The following INPP5A variants were observed in gnomAD, a reference collection of about 807,000 sequenced individuals.
INPP5A encodes 43 kDa inositol polyphosphate 5-phophatase.
A neutral mutation model predicts 65.2 loss-of-function variants in INPP5A; 14 were observed. The observed-to-expected ratio is 0.21, with a 90% CI of 0.14 to 0.34. INPP5A has a LOEUF of 0.34. INPP5A is among the 10% of genes least tolerant of loss of function. The probability of loss-of-function intolerance (pLI) is 1.00; values close to 1 mark genes in which losing one functional copy is unlikely to be tolerated. For synonymous variants in INPP5A, 207 were observed against 208.3 expected (o/e 0.99, Z 0.05); for missense variants, 431 against 545.6 (o/e 0.79, Z 2.09).
Position 132,727,205 on chromosome 10 carries a change from G to A in INPP5A, c.732+300G>A, listed in dbSNP as rs568516265. The A allele has an allele frequency of 5.5e-5, 16 of 288,636 alleles. No individual in the cohort carries two copies. In the South Asian group the frequency reaches 1.1e-3, roughly 19 times the overall value. 17.9% of individuals were successfully genotyped at this position (288,636 alleles called of 1,614,324 possible). A position where few individuals can be genotyped will look rare whatever the true frequency, so the allele number is the denominator to read the frequency against. ...GGAGCTGCTGGAGTGCCGTCACAGC[G>A]CCACCCCCTCGATGCCCACAGAGCT... On this transcript the variant is annotated intron_variant, in intron 9 of 15. Transcript: ENST00000368594. The surrounding 1 kb of genome is among the most constrained non-coding windows in gnomAD (Gnocchi z 6.5).
chr10:132,547,149 C>T lies in INPP5A; in HGVS notation c.75+8978C>T, dbSNP rs1269288590. Among the ~76,000 whole-genome samples, 3 of 152,386 alleles carry T rather than the reference C, an allele frequency of 2.0e-5. No homozygotes were observed. The highest frequency in any genetic ancestry group is 6.8e-3 in the Middle Eastern group (2 of 294). The stretch of plus-strand genomic sequence containing the variant: ...TCACGTGGATGCGGGGCAGGCCCCA[C>T]CTCTCCTCGCATGTGCGGCCTTGGG... On this transcript the variant is annotated intron_variant, in intron 1 of 15. Coordinates refer to ENST00000368594, the MANE Select transcript of INPP5A (RefSeq NM_005539.5). The surrounding 1 kb of genome is among the most constrained non-coding windows in gnomAD (Gnocchi z 5.5).
intron 1 of INPP5A, among the ~76,000 whole-genome samples, chr10:132,592,478 C>T (rs747648831): frequency 1.3e-5 from 2 of 152,164 alleles, no homozygotes; most frequent in Non-Finnish European, 2.9e-5. Context: ...TGCAGTGGCA[C>T]GACCTCAGCT....
chr10:132,550,156 A>G lies in INPP5A; in HGVS notation c.75+11985A>G, dbSNP rs1459318988. On this transcript the variant is annotated intron_variant, in intron 1 of 15. Coordinates refer to ENST00000368594, the MANE Select transcript of INPP5A (RefSeq NM_005539.5). This position sits in a 1 kb window ranked among gnomAD's most constrained non-coding sequence, Gnocchi z 4.2. ...CGAGTTACTAACCAGGCAGTAGAAG[A>G]TGGGGTCAGTCTTGAGTTATTAGTA... Among the ~76,000 whole-genome samples the G allele has an allele frequency of 6.6e-6, 1 of 152,104 alleles. No individual in the cohort carries two copies. The highest frequency in any genetic ancestry group is 1.5e-5 in the Non-Finnish European group (1 of 68,020).
intron 9 of INPP5A, among the ~76,000 whole-genome samples, chr10:132,746,049 C>T (rs1463956828): frequency 3.9e-5 from 6 of 152,196 alleles, no homozygotes; most frequent in South Asian, 4.1e-4. Flanking sequence ...AGGGCCTCGG[C>T]GTTGCCTGCA....
At chr10:132,733,882 A>G (rs952031271) in intron 9 of INPP5A, among the ~76,000 whole-genome samples, 3 of 152,194 alleles carry the variant, frequency 2.0e-5, no homozygotes, top group South Asian at 2.1e-4. Flanking sequence ...TTCCTTCCAC[A>G]TGAAGCTTTT....
chr10:132,694,286 CAAA>C (rs1160589768), intron 5 of INPP5A, among the ~76,000 whole-genome samples: 1 of 152,022 alleles, frequency 6.6e-6, no homozygotes, highest in Non-Finnish European at 1.5e-5. Context: ...ACATATGAGT[CAAA>C]GAAGTCTCAA....
chr10:132,540,632 TG>T (rs1185281271), intron 1 of INPP5A, among the ~76,000 whole-genome samples: 2 of 152,202 alleles, frequency 1.3e-5, no homozygotes, highest in African/African-American at 2.4e-5. Flanking sequence ...GCCTGGCCGG[TG>T]GAAGGAAATT....
chr10:132,762,338 G>T lies in INPP5A; in HGVS notation c.904-3435G>T, dbSNP rs773633096. On this transcript the variant is annotated intron_variant, in intron 11 of 15. Transcript: ENST00000368594. This position sits in a 1 kb window ranked among gnomAD's most constrained non-coding sequence, Gnocchi z 4.6. ...AACAGCGGAACATCAAAGACGAAGA[G>T]AATATTTTTGAAGCATTGTGGGAAA... 5.9e-5 allele frequency among the ~76,000 whole-genome samples: 9 copies of T among 152,230 alleles called. No homozygotes were observed. Among genetic ancestry groups the T allele is most frequent in the Non-Finnish European group, 1.3e-4 (9 of 68,048 alleles).
In INPP5A at chr10:132,563,500, A is replaced by G. The variant is rs149261729; in HGVS notation, c.75+25329A>G. ...CTATTGCTTTATGTCTTATTAGGTG[A>G]ATTTAGAATGTATACAGGGTAGGAA... is the stretch of plus-strand genomic sequence containing the variant. On this transcript the variant is annotated intron_variant, in intron 1 of 15. Coordinates refer to ENST00000368594, the MANE Select transcript of INPP5A (RefSeq NM_005539.5). Among the ~76,000 whole-genome samples, 482 of 152,326 alleles carry G rather than the reference A, an allele frequency of 3.2e-3. 7 individuals carry two copies. Among genetic ancestry groups the G allele is most frequent in the African/African-American group, 0.011 (461 of 41,574 alleles).
Position 132,664,963 on chromosome 10 carries a change from G to A in INPP5A, c.306+14458G>A, listed in dbSNP as rs375769105. Among the ~76,000 whole-genome samples the A allele has an allele frequency of 5.2e-4, 79 of 152,254 alleles. 1 individual carries two copies. The Middle Eastern group carries it at 0.01, about 20-fold the overall frequency. ...TTGTTGGGGTGGCTCAGGTTTTCCC[G>A]TTGCAACTGAGGCGTTGAGCAGTCA... On this transcript the variant is annotated intron_variant, in intron 4 of 15. Transcript: ENST00000368594.
chr10:132,704,797 G>T lies in INPP5A; in HGVS notation c.475-3516G>T, dbSNP rs560955708. On this transcript the variant is annotated intron_variant, in intron 6 of 15. Coordinates refer to ENST00000368594, the MANE Select transcript of INPP5A (RefSeq NM_005539.5). This position sits in a 1 kb window ranked among gnomAD's most constrained non-coding sequence, Gnocchi z 4.5. ...CTCCTCTGGAGTGTGGAGGATGGAG[G>T]AAGGGCGTCTGGACAGGCGGCAGGC... Among the ~76,000 whole-genome samples the T allele has an allele frequency of 1.6e-3, 249 of 151,940 alleles. No homozygotes were observed. The highest frequency in any genetic ancestry group is 5.7e-3 in the African/African-American group (235 of 41,402).
At chr10:132,731,599 TGAG>T (rs1320961562) in intron 9 of INPP5A, among the ~76,000 whole-genome samples, 1 of 152,146 alleles carries the variant, frequency 6.6e-6, no homozygotes, top group Non-Finnish European at 1.5e-5. Context: ...GTGTCAGACA[TGAG>T]GAGGGGACCA....
rs1392096721 is a variant in INPP5A, at chr10:132,550,057, A to G, written c.75+11886A>G. On this transcript the variant is annotated intron_variant, in intron 1 of 15. Transcript: ENST00000368594. The surrounding 1 kb of genome is among the most constrained non-coding windows in gnomAD (Gnocchi z 4.2). ...GCATTAGGGGATGGGGTCAGCCTCG[A>G]GTTACTAACCGGGCATTAGGGGATG... Among the ~76,000 whole-genome samples, 1 of 123,798 alleles carries G rather than the reference A, an allele frequency of 8.1e-6. No individual in the cohort carries two copies. The highest frequency in any genetic ancestry group is 1.7e-5 in the Non-Finnish European group (1 of 59,354). 81.2% of individuals were successfully genotyped at this position (123,798 alleles called of 152,430 possible). A position where few individuals can be genotyped will look rare whatever the true frequency, so the allele number is the denominator to read the frequency against.
At chr10:132,548,712 C>T (rs187877879) in intron 1 of INPP5A, among the ~76,000 whole-genome samples, 51 of 150,404 alleles carry the variant, frequency 3.4e-4, no homozygotes, top group African/African-American at 1.1e-3. Flanking sequence ...TGTTTTCATG[C>T]GTCTGGTTTC....
intron 9 of INPP5A, among the ~76,000 whole-genome samples, chr10:132,742,857 A>G (rs1422719266): frequency 1.3e-5 from 2 of 152,092 alleles, no homozygotes; most frequent in Non-Finnish European, 2.9e-5. Context: ...TTGGCCCTTT[A>G]TTTAACCGCT....
In INPP5A at chr10:132,707,353, G is replaced by A. The variant is rs372556481; in HGVS notation, c.475-960G>A. On this transcript the variant is annotated intron_variant, in intron 6 of 15. Transcript: ENST00000368594. The surrounding 1 kb of genome is among the most constrained non-coding windows in gnomAD (Gnocchi z 5.5). ...CCGTTCCCCCGCCACTGCCTGAAGCGCTTTGCTTTGTGGACCTTGGACTTG... is the reference window on the plus strand; with the variant it reads ...CCGTTCCCCCGCCACTGCCTGAAGCACTTTGCTTTGTGGACCTTGGACTTG... Among the ~76,000 whole-genome samples the A allele has an allele frequency of 3.7e-5, 5 of 134,988 alleles. No homozygotes were observed. The highest frequency in any genetic ancestry group is 7.6e-5 in the African/African-American group (3 of 39,702). The allele number at this position is 134,988 out of a possible 152,430, so 88.6% of individuals were successfully genotyped here.
chr10:132,752,351 C>G lies in INPP5A; in HGVS notation c.903+2506C>G, dbSNP rs536146238. On this transcript the variant is annotated intron_variant, in intron 11 of 15. Transcript: ENST00000368594. Reference sequence around the variant, plus strand: ...CTAGGAGACAGGGAAGAGGGAGGCTCCCTCAGCCACAGGTAGGGTGGTGGC... The same window carrying G: ...CTAGGAGACAGGGAAGAGGGAGGCTGCCTCAGCCACAGGTAGGGTGGTGGC... 1.8e-3 allele frequency among the ~76,000 whole-genome samples: 266 copies of G among 151,476 alleles called. 2 individuals carry two copies. Among genetic ancestry groups the G allele is most frequent in the African/African-American group, 6.1e-3 (251 of 41,232 alleles).
Position 132,551,564 on chromosome 10 carries a change from T to G in INPP5A, c.75+13393T>G, listed in dbSNP as rs2071049573. ...TCTGTCCAAGTAGCACACAGACTTG[T>G]GGGGACATATGACTTGCTTTAATTT... On this transcript the variant is annotated intron_variant, in intron 1 of 15. Coordinates refer to ENST00000368594, the MANE Select transcript of INPP5A (RefSeq NM_005539.5). The surrounding 1 kb of genome is among the most constrained non-coding windows in gnomAD (Gnocchi z 5.3). Among the ~76,000 whole-genome samples, 1 of 152,222 alleles carries G rather than the reference T, an allele frequency of 6.6e-6. No individual in the cohort carries two copies. Among genetic ancestry groups the G allele is most frequent in the Non-Finnish European group, 1.5e-5 (1 of 68,044 alleles).
chr10:132,769,301 G>A (rs572571336), intron 12 of INPP5A, among the ~76,000 whole-genome samples: 7 of 152,314 alleles, frequency 4.6e-5, no homozygotes, highest in South Asian at 2.1e-4. Flanking sequence ...TCTTCCTAGC[G>A]CCTTCTTTAG....
Sources: gnomAD v4.1 joint callset for allele counts (sites outside exome capture counted in the v4.1 genomes callset) on GRCh38, gnomAD v4.1.1 for gene constraint, Gnocchi (gnomAD v3.1) non-coding constraint, MANE v1.5 for transcripts, NCBI Gene and HGNC (gene_info 2026-07-23, HGNC 2026-07-21) for gene names.